Variants in SDK1 observed in about 807,000 individuals in gnomAD.
SDK1 encodes the protein sidekick cell adhesion molecule 1.
A neutral mutation model predicts 245.5 loss-of-function variants in SDK1; 157 were observed. The ratio of observed to expected loss-of-function variants is 0.64; its 90% CI spans 0.56 to 0.73. The LOEUF (loss-of-function observed/expected upper bound fraction) is 0.73. SDK1 is among the 30% of genes least tolerant of loss of function. The pLI is 0.00. For missense variants in SDK1, 3,583 were observed against 3,002.3 expected, an observed-to-expected ratio of 1.19 and a Z score of -4.52; for synonymous variants, 1,647 against 1,278.5, an observed-to-expected ratio of 1.29 and a Z score of -6.15.
Position 3,885,503 on chromosome 7 carries a change from C to T in SDK1, c.847+63920C>T, listed in dbSNP as rs571912558. 2.0e-5 allele frequency among the ~76,000 whole-genome samples: 3 copies of T among 152,270 alleles called. No individual in the cohort carries two copies. In the East Asian group the frequency reaches 5.8e-4, roughly 29 times the overall value. ...GTACACGTGTCACTTACTAAGAACC[C>T]ACCATGGCTTTGTCCTATCAAGTCG... On this transcript the variant is annotated intron_variant, in intron 5 of 44. Coordinates refer to ENST00000404826, the MANE Select transcript of SDK1 (RefSeq NM_152744.4).
chr7:3,949,738 A>C (rs1343841923), intron 5 of SDK1, among the ~76,000 whole-genome samples: 1 of 152,212 alleles, frequency 6.6e-6, no homozygotes, highest in Non-Finnish European at 1.5e-5. Flanking sequence ...AGCGGCAAAA[A>C]ATATGTCCTA....
chr7:3,564,940 T>A (rs1340599233), intron 1 of SDK1, among the ~76,000 whole-genome samples: 1 of 151,796 alleles, frequency 6.6e-6, no homozygotes. Flanking sequence ...GCAGTCACTG[T>A]TTAGGAGACA....
intron 4 of SDK1, among the ~76,000 whole-genome samples, chr7:3,655,501 A>ATATATATGTATG (rs1554303530): frequency 2.5e-4 from 13 of 52,818 alleles, no homozygotes; most frequent in African/African-American, 6.8e-4. Context: ...ATATATATAT[A>ATATATATGTATG]TATGTATGTA....
At chr7:3,418,145 G>GAAAAAAAA (rs200914826) in intron 1 of SDK1, among the ~76,000 whole-genome samples, 7 of 119,726 alleles carry the variant, frequency 5.8e-5, no homozygotes, top group African/African-American at 1.6e-4. Flanking sequence ...TACTAAAAAT[G>GAAAAAAAA]AAAAAAAAAA....
chr7:3,549,091 A>T (rs375172721), intron 1 of SDK1, among the ~76,000 whole-genome samples: 3 of 152,194 alleles, frequency 2.0e-5, no homozygotes, highest in Non-Finnish European at 4.4e-5. Flanking sequence ...TTGCCATTCA[A>T]TGTAAGTGCA....
intron 4 of SDK1, among the ~76,000 whole-genome samples, chr7:3,782,169 T>C (rs1317417144): frequency 2.6e-5 from 4 of 152,224 alleles, no homozygotes; most frequent in Admixed American, 2.6e-4. Context: ...GGTGCCAGCA[T>C]GTGCTTCTGG....
intron 5 of SDK1, among the ~76,000 whole-genome samples, chr7:3,875,023 G>C (rs997084209): frequency 6.6e-6 from 1 of 152,112 alleles, no homozygotes; most frequent in Non-Finnish European, 1.5e-5. Flanking sequence ...TTATGTCCTG[G>C]TCTGTGGGGC....
chr7:3,849,821 A>T (rs773119935), intron 5 of SDK1, among the ~76,000 whole-genome samples: 2 of 152,184 alleles, frequency 1.3e-5, no homozygotes, highest in Non-Finnish European at 2.9e-5. Context: ...GGTCTTTCTT[A>T]AAAAAGCTGT....
At chr7:4,167,975 C>T (rs995023577) in intron 32 of SDK1, among the ~76,000 whole-genome samples, 1 of 152,210 alleles carries the variant, frequency 6.6e-6, no homozygotes, top group Non-Finnish European at 1.5e-5. Flanking sequence ...GCTGATGCCT[C>T]CGAGCACCTC....
At chr7:4,163,195 G>A (rs941090928) in intron 32 of SDK1, among the ~76,000 whole-genome samples, 2 of 152,112 alleles carry the variant, frequency 1.3e-5, no homozygotes, top group African/African-American at 4.8e-5. Context: ...AGCATGGGGT[G>A]GGTACGGCAT....
chr7:3,776,997 G>A (rs765794455), intron 4 of SDK1, among the ~76,000 whole-genome samples: 4 of 152,142 alleles, frequency 2.6e-5, no homozygotes, highest in East Asian at 1.9e-4. Flanking sequence ...ACTTGCTCAC[G>A]TTCACCTCTC....
chr7:3,971,420 G>A (rs755545692), intron 11 of SDK1, 46 bp from the exon 12 acceptor site: 7 of 1,393,782 alleles, frequency 5.0e-6, no homozygotes, highest in Admixed American at 1.8e-5. Context: ...GGCAGAAACT[G>A]TCAAACTTGT....
intron 35 of SDK1, among the ~76,000 whole-genome samples, chr7:4,204,003 G>T (rs1396943465): frequency 6.6e-6 from 1 of 152,180 alleles, no homozygotes; most frequent in East Asian, 1.9e-4. Flanking sequence ...TTCACCTGGC[G>T]CTCACAGACC....
rs188287815 is a variant in SDK1 at position 3,544,359 on chromosome 7, G to T, written c.299-74721G>T. Reference sequence around the variant, plus strand: ...TGTGGGAAACAGCTTGGATCAAGCAGCCACAGACCTCTAGCGACCTCACAG... The same window carrying T: ...TGTGGGAAACAGCTTGGATCAAGCATCCACAGACCTCTAGCGACCTCACAG... On this transcript the variant is annotated intron_variant, in intron 1 of 44. Transcript: ENST00000404826. 3.9e-4 allele frequency among the ~76,000 whole-genome samples: 59 copies of T among 152,308 alleles called. 1 individual carries two copies. The East Asian group carries it at 0.011, about 29-fold the overall frequency.
At chr7:3,372,422 G>A (rs1781250896) in intron 1 of SDK1, among the ~76,000 whole-genome samples, 1 of 152,146 alleles carries the variant, frequency 6.6e-6, no homozygotes, top group Non-Finnish European at 1.5e-5. Flanking sequence ...AAAAGCACAA[G>A]CAATAAAAGG....
At chr7:3,481,360 T>G (rs560489171) in intron 1 of SDK1, among the ~76,000 whole-genome samples, 4 of 152,162 alleles carry the variant, frequency 2.6e-5, no homozygotes, top group Non-Finnish European at 5.9e-5. Context: ...TGGTACAGTT[T>G]CGTTTATTGA....
intron 22 of SDK1, among the ~76,000 whole-genome samples, chr7:4,100,106 C>T (rs928238615): frequency 1.3e-4 from 20 of 152,224 alleles, no homozygotes; most frequent in African/African-American, 4.6e-4. Flanking sequence ...CAGAAGTCCT[C>T]ACCAGCGTTT....
intron 1 of SDK1, among the ~76,000 whole-genome samples, chr7:3,486,469 C>T (rs946506302): frequency 6.6e-6 from 1 of 151,944 alleles, no homozygotes; most frequent in African/African-American, 2.4e-5. Context: ...TTTTTACCCC[C>T]CTAATTTTGT....
rs543391859 is a variant in SDK1, at chr7:3,338,771, G to A, written c.298+36887G>A. ...TTGTGCTGGTAAAAATGTTGATACC[G>A]GTAGAGTGTGATAAGTTACATATGC... On this transcript the variant is annotated intron_variant, in intron 1 of 44. Transcript: ENST00000404826. Among the ~76,000 whole-genome samples the A allele has an allele frequency of 5.3e-5, 8 of 152,182 alleles. No homozygotes were observed. In the South Asian group the frequency reaches 8.3e-4, roughly 16 times the overall value.
Sources: gnomAD v4.1 joint callset for allele counts (sites outside exome capture counted in the v4.1 genomes callset) on GRCh38, gnomAD v4.1.1 for gene constraint, MANE v1.5 for transcripts, NCBI Gene and HGNC (gene_info 2026-07-23, HGNC 2026-07-21) for gene names.